Variants in YPEL5 observed in about 807,000 individuals in gnomAD.
The protein encoded by YPEL5 is yippee like 5.
YPEL5 carries 1 observed loss-of-function variant against 10.5 expected under a neutral mutation model. That is an observed-to-expected ratio of 0.10 (90% CI 0.03 to 0.45). The LOEUF (loss-of-function observed/expected upper bound fraction) is 0.45. Among genes scored for constraint, YPEL5 ranks in the 20% least tolerant of loss-of-function variants. The pLI is 0.97. For synonymous variants in YPEL5, 61 were observed against 56.6 expected (o/e 1.08, Z -0.35); for missense variants, 68 against 159.3 (o/e 0.43, Z 3.09).
At chr2:30,158,431 G>A (rs1188533353) in intron 2 of YPEL5, among the ~76,000 whole-genome samples, 188 bp from the exon 3 acceptor site, 1 of 152,174 alleles carries the variant, frequency 6.6e-6, no homozygotes, top group Non-Finnish European at 1.5e-5. Context: ...CTAGTGTAGT[G>A]CAATTTCCAG....
intron 1 of YPEL5, among the ~76,000 whole-genome samples, chr2:30,154,622 T>C (rs1026384797): frequency 2.0e-5 from 3 of 152,256 alleles, no homozygotes; most frequent in Non-Finnish European, 1.5e-5. Context: ...TGTCCACATA[T>C]GTTTTTTAGG....
At chr2:30,156,373 ATTCTT>A (rs1209084352) in intron 1 of YPEL5, 2 of 341,874 alleles carry the variant, frequency 5.9e-6, no homozygotes, top group East Asian at 1.0e-4. Context: ...AAGTGACACT[ATTCTT>A]TGGCCTTGGC....
intron 2 of YPEL5, among the ~76,000 whole-genome samples, chr2:30,157,824 A>T (rs558385874): frequency 6.6e-6 from 1 of 152,296 alleles, no homozygotes; most frequent in East Asian, 1.9e-4. Flanking sequence ...TTATTTTGGT[A>T]CAGAGGAGGG....
intron 2 of YPEL5, among the ~76,000 whole-genome samples, chr2:30,157,611 G>A (rs1040947501): frequency 2.0e-5 from 3 of 152,160 alleles, no homozygotes; most frequent in African/African-American, 7.2e-5. Context: ...TTTCTGGCTT[G>A]CTTTCAAATT....
chr2:30,156,705 A>G lies in YPEL5; in HGVS notation c.54A>G (p.Ala18=), dbSNP rs779530795. ...HIGGTRLFSC[A]NCDTILTNRS... ...GTGGTACCCGTCTGTTTTCTTGTGC[A>G]AACTGTGATACGATCCTGACCAACC... The change falls in exon 2 of 3, where the codon GCA becomes GCG. Residue 18 remains alanine, a synonymous_variant. Coordinates refer to ENST00000261353, the MANE Select transcript of YPEL5 (RefSeq NM_016061.3). The G allele has an allele frequency of 3.1e-6, 5 of 1,614,080 alleles. No individual in the cohort carries two copies. Among genetic ancestry groups the G allele is most frequent in the African/African-American group, 1.3e-5 (1 of 74,920 alleles).
intron 1 of YPEL5, among the ~76,000 whole-genome samples, chr2:30,150,837 A>G (rs1455542599): frequency 2.0e-5 from 3 of 152,364 alleles, no homozygotes; most frequent in East Asian, 1.9e-4. Flanking sequence ...TTTGCAAGCC[A>G]GAAGGTTTCT....
Position 30,156,691 on chromosome 2 carries a change from C to T in YPEL5, c.40C>T (p.Leu14=), listed in dbSNP as rs368961844. 2.0e-5 allele frequency: 33 copies of T among 1,614,096 alleles called. No homozygotes were observed. In the African/African-American group the frequency reaches 3.1e-4, roughly 15 times the overall value. ...IFLDHIGGTR[L]FSCANCDTIL... Reference sequence around the variant, plus strand: ...CCTTGATCATATCGGTGGTACCCGTCTGTTTTCTTGTGCAAACTGTGATAC... The same window carrying T: ...CCTTGATCATATCGGTGGTACCCGTTTGTTTTCTTGTGCAAACTGTGATAC... Residue 14 remains leucine (L), a synonymous_variant, in exon 2 of 3, where the codon CTG becomes TTG. Coordinates refer to ENST00000261353, the MANE Select transcript of YPEL5 (RefSeq NM_016061.3).
At chr2:30,148,284 C>G (rs986246650) in intron 1 of YPEL5, 1 of 152,222 alleles carries the variant, frequency 6.6e-6, no homozygotes, top group Non-Finnish European at 1.5e-5. Flanking sequence ...TCTACGTCGT[C>G]TTGACAGATG....
chr2:30,158,717 G>T lies in YPEL5; in HGVS notation c.240G>T (p.Leu80=). ...DVSCKNCNSK[L]GWIYEFATED... ...GCTGCAAAAACTGCAATAGCAAACT[G>T]GGATGGATCTATGAGTTTGCCACTG... The change falls in exon 3 of 3, where the codon CTG becomes CTT. Residue 80 remains leucine, a synonymous_variant. Coordinates refer to ENST00000261353, the MANE Select transcript of YPEL5 (RefSeq NM_016061.3). 6.2e-7 allele frequency: 1 copy of T among 1,614,196 alleles called. No individual in the cohort carries two copies. Among genetic ancestry groups the T allele is most frequent in the Non-Finnish European group, 8.5e-7 (1 of 1,180,030 alleles).
At chr2:30,147,971 C>A (rs1029858998) in intron 1 of YPEL5, 1 of 152,086 alleles carries the variant, frequency 6.6e-6, no homozygotes, top group Non-Finnish European at 1.5e-5. Context: ...GCCGGGTGAG[C>A]CCACCCGGGG....
Position 30,158,922 on chromosome 2 carries a change from G to GGAT in YPEL5, c.*79_*80insGAT. The GGAT allele has an allele frequency of 2.2e-6, 3 of 1,351,072 alleles. No homozygotes were observed. The highest frequency in any genetic ancestry group is 2.1e-6 in the Non-Finnish European group (2 of 966,958). 83.7% of individuals were successfully genotyped at this position (1,351,072 alleles called of 1,614,324 possible). On this transcript the variant is annotated 3_prime_UTR_variant, in exon 3 of 3. Transcript: ENST00000261353. Reference sequence around the variant, plus strand: ...TCTACTTACATACACTGTCACCTTAGCATCAGAGTCGGATTAATGAACTGC... The same window carrying GGAT: ...TCTACTTACATACACTGTCACCTTAGGATCATCAGAGTCGGATTAATGAACTGC...
intron 1 of YPEL5, among the ~76,000 whole-genome samples, chr2:30,150,707 G>T (rs1158319742): frequency 6.6e-6 from 1 of 152,132 alleles, no homozygotes; most frequent in Non-Finnish European, 1.5e-5. Flanking sequence ...TGCCAACCAA[G>T]TTTCCATTTT....
rs758802312 is a variant in YPEL5, at chr2:30,158,821, A to C, written c.344A>C (p.His115Pro). The change falls in exon 3 of 3, where the codon CAT becomes CCT. Residue 115 changes from histidine to proline, a missense_variant. Physicochemically the swap from His to Pro is moderately conservative, Grantham distance 77. Around this residue, in one of 2 missense-constraint regions of YPEL5, gnomAD observed 20 missense variants for 21.0 expected, o/e 0.95. Coordinates refer to ENST00000261353, the MANE Select transcript of YPEL5 (RefSeq NM_016061.3). ...CGAGAGAGTGAGGGCTTTGAGGAGC[A>C]TGTACCATCTGATAACTCTTGAAGA... The part of the protein sequence containing the change: ...LVRESEGFEE[H>P]VPSDNS 6.2e-7 allele frequency: 1 copy of C among 1,614,106 alleles called. No homozygotes were observed.
At chr2:30,149,124 C>T (rs1030192295) in intron 1 of YPEL5, among the ~76,000 whole-genome samples, 6 of 152,112 alleles carry the variant, frequency 3.9e-5, no homozygotes, top group African/African-American at 1.4e-4. Context: ...TAGGGTTTAG[C>T]GGGGGATGAC....
At chr2:30,148,912 ATAAC>A (rs1369730454) in intron 1 of YPEL5, among the ~76,000 whole-genome samples, 1 of 152,252 alleles carries the variant, frequency 6.6e-6, no homozygotes, top group Non-Finnish European at 1.5e-5. Context: ...TTAATGGTGA[ATAAC>A]TATAGAGATC....
chr2:30,152,190 G>T (rs992029476), intron 1 of YPEL5, among the ~76,000 whole-genome samples: 3 of 151,892 alleles, frequency 2.0e-5, no homozygotes, highest in African/African-American at 7.3e-5. Flanking sequence ...AAAATAACCT[G>T]CAATTTTCTA....
chr2:30,159,140 A>C lies in YPEL5; in HGVS notation c.*297A>C. The C allele has an allele frequency of 6.7e-6, 2 of 299,932 alleles. No individual in the cohort carries two copies. Among genetic ancestry groups the C allele is most frequent in the Non-Finnish European group, 6.2e-6 (1 of 161,268 alleles). The allele number at this position is 299,932 out of a possible 1,614,324, so 18.6% of individuals were successfully genotyped here. On this transcript the variant is annotated 3_prime_UTR_variant, in exon 3 of 3. Coordinates refer to ENST00000261353, the MANE Select transcript of YPEL5 (RefSeq NM_016061.3). ...CTATGTGGTGAGCTATGTAAGGAAA[A>C]AAATCTGGGCTGTTAGAGTGAAAAA... is the stretch of plus-strand genomic sequence containing the variant.
chr2:30,157,618 A>T (rs536047088), intron 2 of YPEL5, among the ~76,000 whole-genome samples: 1 of 152,118 alleles, frequency 6.6e-6, no homozygotes, highest in Admixed American at 6.5e-5. Context: ...CTTGCTTTCA[A>T]ATTGGATGCC....
intron 2 of YPEL5, among the ~76,000 whole-genome samples, chr2:30,157,328 G>T (rs1676087700): frequency 6.6e-6 from 1 of 151,920 alleles, no homozygotes; most frequent in South Asian, 2.1e-4. Flanking sequence ...GTTGCCTCAG[G>T]AAATGTTCAG....
Sources: gnomAD v4.1 joint callset for allele counts (sites outside exome capture counted in the v4.1 genomes callset) on GRCh38, gnomAD v4.1.1 for gene constraint, gnomAD v4.1.1 regional missense constraint, MANE v1.5 for transcripts, NCBI Gene and HGNC (gene_info 2026-07-23, HGNC 2026-07-21) for gene names.